ADGRF5: variants seen among roughly 807,000 people sequenced by gnomAD.
ADGRF5 encodes adhesion G protein-coupled receptor F5, also known as G-protein coupled receptor 116.
Under a neutral mutation model 132.3 loss-of-function variants are expected in ADGRF5, and 75 were observed. The ratio of observed to expected loss-of-function variants is 0.57; its 90% CI spans 0.47 to 0.69. The LOEUF is 0.69. Among genes scored for constraint, ADGRF5 ranks in the 30% least tolerant of loss-of-function variants. The pLI is 0.00. For missense variants in ADGRF5, 1,516 were observed against 1,630.6 expected (o/e 0.93, Z 1.21); for synonymous variants, 629 against 597.6 (o/e 1.05, Z -0.77).
intron 20 of ADGRF5, among the ~76,000 whole-genome samples, chr6:46,855,357 T>G (rs1275538455): frequency 6.6e-6 from 1 of 152,238 alleles, no homozygotes; most frequent in Non-Finnish European, 1.5e-5. Context: ...TTTGCTTATT[T>G]AATTCTTACA....
chr6:46,882,673 T>C (rs1772611785), intron 6 of ADGRF5, among the ~76,000 whole-genome samples: 1 of 152,250 alleles, frequency 6.6e-6, no homozygotes, highest in Non-Finnish European at 1.5e-5. Context: ...AGGTGGTTGC[T>C]ATGTAACTCT....
intron 1 of ADGRF5, among the ~76,000 whole-genome samples, chr6:46,921,348 C>T (rs1207243095): frequency 2.0e-5 from 3 of 151,950 alleles, no homozygotes; most frequent in African/African-American, 7.3e-5. Flanking sequence ...ATGCTCTTGG[C>T]AAGAGCAGCA....
At chr6:46,876,826 A>G (rs1279595022) in intron 10 of ADGRF5, among the ~76,000 whole-genome samples, 1 of 152,290 alleles carries the variant, frequency 6.6e-6, no homozygotes, top group Admixed American at 6.5e-5. Context: ...GCTCGTCTCC[A>G]ATGCTCAACC....
intron 1 of ADGRF5, among the ~76,000 whole-genome samples, chr6:46,948,213 C>A (rs1006190942): frequency 6.6e-6 from 1 of 152,126 alleles, no homozygotes; most frequent in Admixed American, 6.5e-5. Flanking sequence ...ACAAATAAAA[C>A]CCCTGGAGAC....
intron 6 of ADGRF5, among the ~76,000 whole-genome samples, chr6:46,882,511 C>T (rs1228695989): frequency 6.6e-6 from 1 of 152,172 alleles, no homozygotes; most frequent in Non-Finnish European, 1.5e-5. Flanking sequence ...ATGTGTTGTG[C>T]CCCTTCATTG....
At chr6:46,931,263 C>T (rs1181628063) in intron 1 of ADGRF5, among the ~76,000 whole-genome samples, 1 of 152,148 alleles carries the variant, frequency 6.6e-6, no homozygotes, top group Non-Finnish European at 1.5e-5. Context: ...TTCTCTTTCC[C>T]CTCATTTACT....
At chr6:46,912,588 T>G (rs565789089) in intron 1 of ADGRF5, among the ~76,000 whole-genome samples, 78 of 151,794 alleles carry the variant, frequency 5.1e-4, no homozygotes, top group African/African-American at 1.7e-3. Context: ...CAATAGAGAG[T>G]AGAGAAGGAG....
chr6:46,947,940 G>A lies in ADGRF5; in HGVS notation c.-25+6794C>T, dbSNP rs142989337. Among the ~76,000 whole-genome samples the A allele has an allele frequency of 2.7e-3, 411 of 152,238 alleles. 1 individual carries two copies. The highest frequency in any genetic ancestry group is 9.3e-3 in the African/African-American group (385 of 41,544). ...CTCCTTGGGCCTTTGATTGGGCAGG[G>A]GTGGTGATGGGGCTGTGGAATGCAG... is the stretch of plus-strand genomic sequence containing the variant. On this transcript the variant is annotated intron_variant, in intron 1 of 20. Coordinates refer to the ADGRF5 transcript ENST00000265417.
At chr6:46,928,483 C>G (rs1374516596) in intron 1 of ADGRF5, among the ~76,000 whole-genome samples, 1 of 152,042 alleles carries the variant, frequency 6.6e-6, no homozygotes, top group Non-Finnish European at 1.5e-5. Context: ...TTCTGACCAC[C>G]TCTTCACTGA....
At chr6:46,892,076 T>C (rs1310996272) in intron 3 of ADGRF5, among the ~76,000 whole-genome samples, 2 of 151,830 alleles carry the variant, frequency 1.3e-5, no homozygotes, top group Non-Finnish European at 2.9e-5. Flanking sequence ...AGCAGGCTGT[T>C]GGCTTACTCT....
At chr6:46,947,609 A>G (rs1351661083) in intron 1 of ADGRF5, among the ~76,000 whole-genome samples, 1 of 152,212 alleles carries the variant, frequency 6.6e-6, no homozygotes, top group African/African-American at 2.4e-5. Flanking sequence ...TAATGCTCCA[A>G]CTTGTTCTTT....
At chr6:46,881,290 TAG>T in intron 8 of ADGRF5, among the ~76,000 whole-genome samples, 163 bp downstream of exon 8, 1 of 152,294 alleles carries the variant, frequency 6.6e-6, no homozygotes, top group South Asian at 2.1e-4. Flanking sequence ...ACAGTGGCAT[TAG>T]TCAGATTGGG....
chr6:46,918,380 T>C (rs747225943), intron 1 of ADGRF5, among the ~76,000 whole-genome samples: 14 of 152,198 alleles, frequency 9.2e-5, no homozygotes, highest in Middle Eastern at 6.8e-3. Flanking sequence ...GAAATGTCAG[T>C]GGGGAAAAGG....
intron 1 of ADGRF5, among the ~76,000 whole-genome samples, chr6:46,910,169 G>T (rs150967783): frequency 6.6e-6 from 1 of 152,104 alleles, no homozygotes; most frequent in East Asian, 1.9e-4. Context: ...AGCTGAGTTC[G>T]TCAGAACTCC....
At chr6:46,902,091 A>C (rs1774834162) in intron 2 of ADGRF5, among the ~76,000 whole-genome samples, 1 of 152,208 alleles carries the variant, frequency 6.6e-6, no homozygotes, top group African/African-American at 2.4e-5. Flanking sequence ...CTTTATTTGC[A>C]GTGAAGTTAT....
rs1345950325 is a variant in ADGRF5 at position 46,878,473 on chromosome 6, C to G, written c.1037-68G>C. The G allele has an allele frequency of 2.8e-5, 26 of 938,622 alleles. No homozygotes were observed. In the East Asian group the frequency reaches 6.2e-4, roughly 23 times the overall value. 58.1% of individuals were successfully genotyped at this position (938,622 alleles called of 1,614,324 possible). ...GTATTTTCTTAGAGGAATGTACCGT[C>G]AGCTCATGGATCATGACAGTACTTC... On this transcript the variant is annotated intron_variant, in intron 9 of 20. Coordinates refer to ENST00000283296, the MANE Select transcript of ADGRF5 (RefSeq NM_001098518.2).
intron 1 of ADGRF5, among the ~76,000 whole-genome samples, chr6:46,939,574 A>G (rs1042151559): frequency 6.6e-6 from 1 of 152,216 alleles, no homozygotes; most frequent in Non-Finnish European, 1.5e-5. Flanking sequence ...CTTTTTATAC[A>G]ATCACTGTTA....
intron 10 of ADGRF5, among the ~76,000 whole-genome samples, chr6:46,877,283 CT>C (rs1167331458): frequency 4.0e-5 from 2 of 50,386 alleles, no homozygotes; most frequent in African/African-American, 1.9e-4. Flanking sequence ...TTCTTTCTTT[CT>C]TTCTTTCTCT....
At chr6:46,937,751 T>G (rs988812223) in intron 1 of ADGRF5, among the ~76,000 whole-genome samples, 1 of 152,074 alleles carries the variant, frequency 6.6e-6, no homozygotes, top group Non-Finnish European at 1.5e-5. Context: ...CAGATAAAGG[T>G]CACTTGAACA....
Sources: allele counts gnomAD v4.1 joint callset (sites outside exome capture counted in the v4.1 genomes callset), GRCh38; gene constraint gnomAD v4.1.1; transcripts MANE v1.5; gene names NCBI Gene and HGNC (gene_info 2026-07-23, HGNC 2026-07-21).